Variants in CIMAP2 observed in about 807,000 individuals in gnomAD.
The protein encoded by CIMAP2 is ciliary microtubule-associated protein 2.
the CIMAP2 span, chr1:54,807,787 G>A: frequency 2.0e-6 from 3 of 1,511,668 alleles, no homozygotes; most frequent in Non-Finnish European, 2.7e-6. Context: ...CCCAAGGCCA[G>A]ATGGAGATTA....
the CIMAP2 span, among the ~76,000 whole-genome samples, chr1:54,808,177 G>A: frequency 1.3e-5 from 2 of 152,200 alleles, no homozygotes; most frequent in Non-Finnish European, 2.9e-5. Context: ...TAGCAGTGAC[G>A]AAGACAATGT....
the CIMAP2 span, among the ~76,000 whole-genome samples, chr1:54,824,530 C>T: frequency 2.0e-5 from 3 of 152,042 alleles, no homozygotes; most frequent in Admixed American, 6.6e-5. Flanking sequence ...ATATTTTATT[C>T]CATTGTGGTG....
At chr1:54,839,217 A>G in the CIMAP2 span, among the ~76,000 whole-genome samples, 2 of 152,170 alleles carry the variant, frequency 1.3e-5, no homozygotes, top group East Asian at 3.9e-4. Flanking sequence ...TAAATGGCCC[A>G]TTTTGAGTGA....
chr1:54,832,348 T>C, the CIMAP2 span, among the ~76,000 whole-genome samples: 1 of 131,656 alleles, frequency 7.6e-6, no homozygotes, highest in South Asian at 2.2e-4. Flanking sequence ...GAAAATCTCA[T>C]TTAAAATGTT....
the CIMAP2 span, chr1:54,811,765 G>GCGGGGGGGGGGCCGCCCCCCCCC: frequency 7.7e-7 from 1 of 1,301,332 alleles, no homozygotes; most frequent in Non-Finnish European, 1.1e-6. Context: ...GGTTCTGACA[G>GCGGGGGGGGGGCCGCCCCCCCCC]CCTCCATGCC....
the CIMAP2 span, among the ~76,000 whole-genome samples, chr1:54,840,677 G>A: frequency 6.6e-6 from 1 of 152,148 alleles, no homozygotes; most frequent in East Asian, 1.9e-4. Flanking sequence ...TCTAATTTAA[G>A]CCATTCTAAT....
the CIMAP2 span, among the ~76,000 whole-genome samples, chr1:54,835,277 G>A: frequency 6.6e-6 from 1 of 152,094 alleles, no homozygotes; most frequent in Admixed American, 6.5e-5. Context: ...CTGCAGCCTT[G>A]ACCTCCTGGG....
chr1:54,809,515 A>G, the CIMAP2 span, among the ~76,000 whole-genome samples: 14 of 152,338 alleles, frequency 9.2e-5, no homozygotes, highest in East Asian at 1.5e-3. Context: ...TGACAACCCT[A>G]TGAAGCAGGC....
At chr1:54,810,718 C>T in the CIMAP2 span, among the ~76,000 whole-genome samples, 1 of 152,222 alleles carries the variant, frequency 6.6e-6, no homozygotes, top group Non-Finnish European at 1.5e-5. Context: ...ATGTGGACTG[C>T]ACTTTTCACT....
the CIMAP2 span, chr1:54,811,765 G>GCCGGGGGGGGGCCGGGCCCCCCC: frequency 7.7e-7 from 1 of 1,301,332 alleles, no homozygotes; most frequent in Non-Finnish European, 1.1e-6. Flanking sequence ...GGTTCTGACA[G>GCCGGGGGGGGGCCGGGCCCCCCC]CCTCCATGCC....
At chr1:54,835,575 G>T in the CIMAP2 span, among the ~76,000 whole-genome samples, 1 of 152,146 alleles carries the variant, frequency 6.6e-6, no homozygotes, top group East Asian at 1.9e-4. Flanking sequence ...TGAGAGTATT[G>T]AAGTTTGAAG....
At chr1:54,828,199 A>G in the CIMAP2 span, among the ~76,000 whole-genome samples, 1 of 152,248 alleles carries the variant, frequency 6.6e-6, no homozygotes, top group African/African-American at 2.4e-5. Context: ...AAATTCCAAG[A>G]GAGTTAATTT....
At chr1:54,831,657 A>T in the CIMAP2 span, among the ~76,000 whole-genome samples, 1 of 151,746 alleles carries the variant, frequency 6.6e-6, no homozygotes, top group African/African-American at 2.4e-5. Context: ...CCATCTCAAA[A>T]AAAAAGAAAG....
At chr1:54,811,765 G>GCCGGGGGGGGGCCGCCCCCCCCCCCCC in the CIMAP2 span, 1 of 1,301,328 alleles carries the variant, frequency 7.7e-7, no homozygotes, top group Non-Finnish European at 1.1e-6. Flanking sequence ...GGTTCTGACA[G>GCCGGGGGGGGGCCGCCCCCCCCCCCCC]CCTCCATGCC....
the CIMAP2 span, chr1:54,814,792 T>C: frequency 7.0e-7 from 1 of 1,422,718 alleles, no homozygotes; most frequent in Non-Finnish European, 9.6e-7. Context: ...CCACCGTCCT[T>C]GGCTCAAGAC....
At chr1:54,806,148 A>C in the CIMAP2 span, 9 of 1,550,190 alleles carry the variant, frequency 5.8e-6, no homozygotes, top group Admixed American at 1.9e-5. Context: ...GCCGGAGCTC[A>C]TGGCTGGAAC....
At chr1:54,811,773 G>GCCCCTCCCCC in the CIMAP2 span, 1 of 1,325,052 alleles carries the variant, frequency 7.5e-7, no homozygotes, top group Non-Finnish European at 1.0e-6. Context: ...CAGCCTCCAT[G>GCCCCTCCCCC]CCCCCACCCC....
At chr1:54,837,191 G>T in the CIMAP2 span, among the ~76,000 whole-genome samples, 1 of 152,028 alleles carries the variant, frequency 6.6e-6, no homozygotes, top group East Asian at 1.9e-4. Context: ...TGACCTTCCT[G>T]TTGCATATTT....
chr1:54,806,584 C>T, the CIMAP2 span, among the ~76,000 whole-genome samples: 51 of 152,068 alleles, frequency 3.4e-4, no homozygotes, highest in African/African-American at 1.2e-3. Context: ...TCCATTCACT[C>T]ATATTCCACT....
Sources: allele counts gnomAD v4.1 joint callset (sites outside exome capture counted in the v4.1 genomes callset), GRCh38; gene constraint gnomAD v4.1.1; transcripts MANE v1.5; gene names NCBI Gene and HGNC (gene_info 2026-07-23, HGNC 2026-07-21).